ACSF3: variants seen among roughly 807,000 people sequenced by gnomAD.
The protein encoded by ACSF3 is acyl-CoA synthetase family member 3, also known as malonate--CoA ligase ACSF3, mitochondrial.
ACSF3 carries 78 observed loss-of-function variants against 53.2 expected under a neutral mutation model. That is an observed-to-expected ratio of 1.47 (90% CI 1.22 to 1.77). ACSF3 has a LOEUF of 1.77. Among genes scored for constraint, ACSF3 ranks in the 40% most tolerant of loss-of-function variants. ACSF3 has a pLI of 0.00. For synonymous variants in ACSF3, 414 were observed against 333.1 expected, an observed-to-expected ratio of 1.24 and a Z score of -2.65; for missense variants, 937 against 771.1, an observed-to-expected ratio of 1.22 and a Z score of -2.55.
rs1340600061 is a variant in ACSF3, at chr16:89,155,474, A to G, written c.*1267A>G. 2.2e-6 allele frequency: 1 copy of G among 454,128 alleles called. No individual in the cohort carries two copies. The highest frequency in any genetic ancestry group is 4.4e-6 in the Non-Finnish European group (1 of 226,792). 28.1% of individuals were successfully genotyped at this position (454,128 alleles called of 1,614,324 possible). ...CCACCAAGCTTGTCTGAGGCCACAG[A>G]GCAGCGTCCCAGCCCTGTTTTCCAG... On this transcript the variant is annotated 3_prime_UTR_variant, in exon 11 of 11. Coordinates refer to ENST00000614302, the MANE Select transcript of ACSF3 (RefSeq NM_001243279.3).
At chr16:89,129,049 C>T (rs954720153) in intron 7 of ACSF3, among the ~76,000 whole-genome samples, 79 of 152,252 alleles carry the variant, frequency 5.2e-4, no homozygotes, top group Admixed American at 1.0e-3. Flanking sequence ...GGAAGATCGC[C>T]TGAATCTGGG....
intron 7 of ACSF3, among the ~76,000 whole-genome samples, chr16:89,131,667 C>G (rs1169435977): frequency 6.6e-6 from 1 of 152,200 alleles, no homozygotes; most frequent in Non-Finnish European, 1.5e-5. Context: ...ACCCTCCTTC[C>G]CTGGGATTGG....
At chr16:89,103,742 A>C (rs1440560051) in intron 4 of ACSF3, among the ~76,000 whole-genome samples, 1 of 152,208 alleles carries the variant, frequency 6.6e-6, no homozygotes, top group East Asian at 1.9e-4. Flanking sequence ...GTATTGGCCC[A>C]GCTGAAGGGC....
At chr16:89,112,547 ATC>A (rs1351184944) in intron 5 of ACSF3, among the ~76,000 whole-genome samples, 1 of 149,780 alleles carries the variant, frequency 6.7e-6, no homozygotes, top group East Asian at 2.0e-4. Context: ...CTCTCTCTCC[ATC>A]TCTCCATCTA....
chr16:89,133,335 G>C, intron 8 of ACSF3, 73 bp downstream of exon 8: 2 of 1,599,146 alleles, frequency 1.3e-6, no homozygotes, highest in Non-Finnish European at 1.7e-6. Context: ...CCCACGTTGA[G>C]TGACACCGAG....
chr16:89,094,730 C>CA (rs911294170), intron 1 of ACSF3, among the ~76,000 whole-genome samples: 5 of 152,004 alleles, frequency 3.3e-5, no homozygotes, highest in African/African-American at 4.8e-5. Flanking sequence ...CCTATCTCTA[C>CA]AAAAAAATGT....
intron 6 of ACSF3, among the ~76,000 whole-genome samples, chr16:89,118,339 T>A (rs529745233): frequency 6.7e-6 from 1 of 149,406 alleles, no homozygotes; most frequent in Non-Finnish European, 1.5e-5. Flanking sequence ...TGGAAAAAAG[T>A]AAGTAAAGTC....
At chr16:89,104,074 C>G (rs945957599) in intron 4 of ACSF3, among the ~76,000 whole-genome samples, 1 of 152,304 alleles carries the variant, frequency 6.6e-6, no homozygotes, top group Non-Finnish European at 1.5e-5. Context: ...GCAAGAGTCA[C>G]TCACCAGGCT....
rs1193494657 is a variant in ACSF3, at chr16:89,145,404, G to A, written c.1501+3G>A. On this transcript the variant is annotated splice_donor_region_variant and intron_variant, in intron 9 of 10. Transcript: ENST00000614302. ...GCTGGCCCACCCCAGCATCACAGGT[G>A]CGTGGCCGGACTTGGGCCAGGGAGG... 5 of 1,614,042 alleles carry A rather than the reference G, an allele frequency of 3.1e-6. No homozygotes were observed. Among genetic ancestry groups the A allele is most frequent in the East Asian group, 4.5e-5 (2 of 44,890 alleles).
chr16:89,117,344 C>T (rs945496403), intron 6 of ACSF3, among the ~76,000 whole-genome samples: 25 of 152,324 alleles, frequency 1.6e-4, no homozygotes, highest in African/African-American at 5.8e-4. Flanking sequence ...GTGAGTGATG[C>T]ACTTCCCAGG....
At chr16:89,137,603 G>A (rs1236360571) in intron 8 of ACSF3, among the ~76,000 whole-genome samples, 2 of 147,250 alleles carry the variant, frequency 1.4e-5, no homozygotes, top group East Asian at 4.1e-4. Context: ...GGATTGAGGG[G>A]AAGAGCCCCA....
chr16:89,100,514 G>C, intron 2 of ACSF3, 148 bp from the exon 3 acceptor site: 1 of 755,808 alleles, frequency 1.3e-6, no homozygotes, highest in Non-Finnish European at 2.1e-6. Context: ...GAGAAAGGCT[G>C]GACGTGGCCT....
intron 5 of ACSF3, chr16:89,113,927 C>T: frequency 3.0e-6 from 1 of 336,622 alleles, no homozygotes; most frequent in Non-Finnish European, 5.9e-6. Flanking sequence ...CCCGGATGTG[C>T]CTGGCCGCAG....
rs1038614650 is a variant in ACSF3, at chr16:89,102,853, G to A, written c.822+94G>A. 39 of 1,537,740 alleles carry A rather than the reference G, an allele frequency of 2.5e-5. 1 individual carries two copies. The highest frequency in any genetic ancestry group is 1.9e-4 in the African/African-American group (14 of 73,496). On this transcript the variant is annotated intron_variant, in intron 4 of 10. Transcript: ENST00000614302. ...TCTCAGCCGCGCCCTCAGCCTAAGC[G>A]CCTTTCGCTGGTTGGGGTCAGGGCT...
chr16:89,104,695 AG>A (rs1162663361), intron 4 of ACSF3, among the ~76,000 whole-genome samples: 1 of 152,154 alleles, frequency 6.6e-6, no homozygotes, highest in Admixed American at 6.5e-5. Flanking sequence ...GAGAGAAGGC[AG>A]CTTTTCTGGC....
chr16:89,121,141 G>T (rs1228637912), intron 7 of ACSF3, among the ~76,000 whole-genome samples: 1 of 152,276 alleles, frequency 6.6e-6, no homozygotes, highest in Non-Finnish European at 1.5e-5. Context: ...GGCAGAGGGA[G>T]CCCAGGGCGG....
chr16:89,140,698 C>T (rs957193555), intron 8 of ACSF3, among the ~76,000 whole-genome samples: 5 of 152,170 alleles, frequency 3.3e-5, no homozygotes, highest in Non-Finnish European at 7.4e-5. Context: ...GACATCCCCC[C>T]GGCCAGGAGT....
chr16:89,121,377 C>T (rs934109440), intron 7 of ACSF3, among the ~76,000 whole-genome samples: 15 of 152,170 alleles, frequency 9.9e-5, no homozygotes, highest in African/African-American at 3.6e-4. Context: ...GGGAGATTCA[C>T]GGGGCCCTGC....
chr16:89,139,259 G>A (rs1448808234), intron 8 of ACSF3, among the ~76,000 whole-genome samples: 2 of 152,142 alleles, frequency 1.3e-5, no homozygotes, highest in African/African-American at 4.8e-5. Flanking sequence ...GTCTCCCCAT[G>A]GCGCCTCCTT....
Sources: allele counts gnomAD v4.1 joint callset (sites outside exome capture counted in the v4.1 genomes callset), GRCh38; gene constraint gnomAD v4.1.1; transcripts MANE v1.5; gene names NCBI Gene and HGNC (gene_info 2026-07-23, HGNC 2026-07-21).